ATAD2B: variants seen among roughly 807,000 people sequenced by gnomAD.
ATAD2B encodes the protein ATPase family AAA domain-containing protein 2B.
A neutral mutation model predicts 167.6 loss-of-function variants in ATAD2B; 40 were observed. That is an observed-to-expected ratio of 0.24 (90% CI 0.19 to 0.31). The LOEUF is 0.31. Ranked by LOEUF, ATAD2B falls within the 10% of genes least tolerant of loss-of-function variation. The probability of loss-of-function intolerance (pLI) is 1.00; values close to 1 mark genes in which losing one functional copy is unlikely to be tolerated. For synonymous variants in ATAD2B, 579 were observed against 596.5 expected, an observed-to-expected ratio of 0.97 and a Z score of 0.43; for missense variants, 1,242 against 1,757.2, an observed-to-expected ratio of 0.71 and a Z score of 5.24.
At chr2:23,798,859 T>C (rs1297620434) in intron 18 of ATAD2B, among the ~76,000 whole-genome samples, 2 of 152,208 alleles carry the variant, frequency 1.3e-5, no homozygotes, top group Non-Finnish European at 2.9e-5. Flanking sequence ...CCTCCTCCCA[T>C]TATCTTAGTT....
chr2:23,837,404 C>T (rs1690172090), intron 13 of ATAD2B, among the ~76,000 whole-genome samples: 1 of 152,226 alleles, frequency 6.6e-6, no homozygotes, highest in Non-Finnish European at 1.5e-5. Context: ...TGTAGCTGCA[C>T]CTGGGAGGGC....
chr2:23,851,706 T>C (rs1173678452), intron 13 of ATAD2B, among the ~76,000 whole-genome samples: 2 of 152,178 alleles, frequency 1.3e-5, no homozygotes, highest in East Asian at 3.8e-4. Context: ...GGATCCACTC[T>C]TACAGTATAA....
the ATAD2B span, among the ~76,000 whole-genome samples, chr2:23,706,202 T>C: frequency 6.6e-6 from 1 of 152,190 alleles, no homozygotes; most frequent in African/African-American, 2.4e-5. Flanking sequence ...CGCACAGAGA[T>C]CTTTCGTCTC....
At chr2:23,873,419 T>A (rs1210405558) in intron 8 of ATAD2B, among the ~76,000 whole-genome samples, 1 of 152,188 alleles carries the variant, frequency 6.6e-6, no homozygotes, top group Non-Finnish European at 1.5e-5. Flanking sequence ...ATACCAAAAT[T>A]CAAGTATGCT....
At chr2:23,857,060 A>C (rs1279286985) in intron 13 of ATAD2B, among the ~76,000 whole-genome samples, 1 of 152,156 alleles carries the variant, frequency 6.6e-6, no homozygotes, top group East Asian at 1.9e-4. Context: ...AATTAAAAAA[A>C]AAAAAAATTA....
chr2:23,850,536 T>A (rs989689053), intron 13 of ATAD2B, among the ~76,000 whole-genome samples: 32 of 152,118 alleles, frequency 2.1e-4, no homozygotes, highest in Admixed American at 9.8e-4. Context: ...TACTGCTATA[T>A]AAAAGAAGCC....
At chr2:23,691,677 C>T in the ATAD2B span, 12 of 1,551,520 alleles carry the variant, frequency 7.7e-6, no homozygotes, top group Admixed American at 7.8e-5. Flanking sequence ...TGCCTAGGTC[C>T]GTGCAAGACA....
At chr2:23,738,605 G>C in the ATAD2B span, among the ~76,000 whole-genome samples, 1 of 152,206 alleles carries the variant, frequency 6.6e-6, no homozygotes, top group Non-Finnish European at 1.5e-5. Flanking sequence ...ATGCCAAATT[G>C]TAAAGAGCAT....
Position 23,830,562 on chromosome 2 carries a change from A to C in ATAD2B, c.1729-1623T>G, listed in dbSNP as rs76391898. 6.3e-4 allele frequency among the ~76,000 whole-genome samples: 96 copies of C among 152,336 alleles called. 2 individuals are homozygous for C. In the East Asian group the frequency reaches 0.018, roughly 28 times the overall value. On this transcript the variant is annotated intron_variant, in intron 14 of 27. Transcript: ENST00000238789. The stretch of plus-strand genomic sequence containing the variant: ...AAACAGAACAACTTCAAAGTCATCA[A>C]GATAAATCTTGCTCAAAAAGTTGAC...
chr2:23,859,750 C>G (rs1694039520), intron 12 of ATAD2B, among the ~76,000 whole-genome samples: 1 of 151,870 alleles, frequency 6.6e-6, no homozygotes, highest in Non-Finnish European at 1.5e-5. Context: ...AAGTTCGAGA[C>G]CAGCCTGGTC....
chr2:23,785,477 T>C lies in ATAD2B; in HGVS notation c.2973+550A>G, dbSNP rs866480393. Among the ~76,000 whole-genome samples, 5 of 152,148 alleles carry C rather than the reference T, an allele frequency of 3.3e-5. No homozygotes were observed. The East Asian group carries it at 7.7e-4, about 23-fold the overall frequency. On this transcript the variant is annotated intron_variant, in intron 21 of 27. Transcript: ENST00000238789. ...ACAAGCACACAAAATAATACACATA[T>C]AAAGTGAGAAATTTTCCACTGGGAG...
intron 13 of ATAD2B, among the ~76,000 whole-genome samples, chr2:23,852,304 T>A (rs1416149000): frequency 1.3e-5 from 2 of 152,134 alleles, no homozygotes; most frequent in Admixed American, 1.3e-4. Flanking sequence ...TCTTTTTTTT[T>A]TTAAGAGACA....
chr2:23,862,398 C>G (rs1694518217), intron 12 of ATAD2B, among the ~76,000 whole-genome samples: 1 of 128,166 alleles, frequency 7.8e-6, no homozygotes, highest in South Asian at 2.5e-4. Flanking sequence ...TATATTTGGA[C>G]TGGTTTTTTT....
the ATAD2B span, among the ~76,000 whole-genome samples, chr2:23,728,245 G>GT: frequency 6.6e-6 from 1 of 152,038 alleles, no homozygotes; most frequent in Non-Finnish European, 1.5e-5. Flanking sequence ...GGTCTATTAA[G>GT]TTTTTTTGAA....
intron 1 of ATAD2B, among the ~76,000 whole-genome samples, chr2:23,920,666 T>C (rs1042578343): frequency 1.3e-5 from 2 of 152,062 alleles, no homozygotes; most frequent in African/African-American, 4.8e-5. Context: ...TAGCCAAAGG[T>C]ATATATCCTA....
chr2:23,902,649 G>C (rs1321731591), intron 1 of ATAD2B, among the ~76,000 whole-genome samples: 2 of 152,170 alleles, frequency 1.3e-5, no homozygotes, highest in East Asian at 1.9e-4. Flanking sequence ...GTGTCACAGT[G>C]ATTATAATCC....
At chr2:23,905,213 G>A (rs961488550) in intron 1 of ATAD2B, among the ~76,000 whole-genome samples, 1 of 152,156 alleles carries the variant, frequency 6.6e-6, no homozygotes, top group Non-Finnish European at 1.5e-5. Context: ...AAGAGACAAT[G>A]TAGGTACTGA....
Position 23,884,867 on chromosome 2 carries a change from T to C in ATAD2B, c.682A>G (p.Met228Val). 1.3e-6 allele frequency: 2 copies of C among 1,546,614 alleles called. No individual in the cohort carries two copies. Among genetic ancestry groups the C allele is most frequent in the East Asian group, 2.3e-5 (1 of 43,280 alleles). Residue 228 changes from methionine (M) to valine (V), a missense_variant, in exon 6 of 28, where the codon ATG (methionine) becomes GTG (valine). This residue lies in a region of ATAD2B where 99 missense variants were observed against 160.4 expected (regional missense o/e 0.62). Transcript: ENST00000238789. Reference protein sequence around the residue: ...RMWTDTEFENMDMYSRVKRRR... With the variant: ...RMWTDTEFENVDMYSRVKRRR... The stretch of plus-strand genomic sequence containing the variant: ...CTTTTCACTCTTGAATACATATCCA[T>C]GTTTTCCTTTTAAAGAAAGAAATCT...
chr2:23,681,248 T>C, the ATAD2B span, among the ~76,000 whole-genome samples: 1 of 152,224 alleles, frequency 6.6e-6, no homozygotes, highest in African/African-American at 2.4e-5. The surrounding 1 kb of genome is among the most constrained non-coding windows in gnomAD (Gnocchi z 4.2). Flanking sequence ...CTTTCATAAA[T>C]TGAAAAATTC....
Sources: gnomAD v4.1 joint callset for allele counts (sites outside exome capture counted in the v4.1 genomes callset) on GRCh38, gnomAD v4.1.1 for gene constraint, gnomAD v4.1.1 regional missense constraint, Gnocchi (gnomAD v3.1) non-coding constraint, MANE v1.5 for transcripts, NCBI Gene and HGNC (gene_info 2026-07-23, HGNC 2026-07-21) for gene names.